Variants in SEMA6D observed in about 807,000 individuals in gnomAD.
The protein encoded by SEMA6D is semaphorin-6D.
SEMA6D carries 35 observed loss-of-function variants against 106.6 expected under a neutral mutation model. That is an observed-to-expected ratio of 0.33 (90% CI 0.25 to 0.44). The LOEUF is 0.44. Among genes scored for constraint, SEMA6D ranks in the 20% least tolerant of loss-of-function variants. The probability of loss-of-function intolerance (pLI) is 1.00; values close to 1 mark genes in which losing one functional copy is unlikely to be tolerated. For missense variants in SEMA6D, 1,185 were observed against 1,345.9 expected, an observed-to-expected ratio of 0.88 and a Z score of 1.87; for synonymous variants, 499 against 487.7, an observed-to-expected ratio of 1.02 and a Z score of -0.31.
At chr15:47,686,270 T>G (rs974891129) in intron 4 of SEMA6D, among the ~76,000 whole-genome samples, 1 of 152,054 alleles carries the variant, frequency 6.6e-6, no homozygotes, top group East Asian at 1.9e-4. Flanking sequence ...AAAAAAAAAC[T>G]TTAAATATTT....
intron 1 of SEMA6D, among the ~76,000 whole-genome samples, chr15:47,725,579 A>G (rs889335852): frequency 1.6e-4 from 24 of 149,498 alleles, no homozygotes; most frequent in Admixed American, 1.4e-3. Context: ...GTCCTGCCAT[A>G]CTCAACCCCC....
intron 1 of SEMA6D, among the ~76,000 whole-genome samples, chr15:47,748,810 A>T (rs925243744): frequency 6.6e-6 from 1 of 152,216 alleles, no homozygotes; most frequent in Admixed American, 6.5e-5. Context: ...TTGGACAGGG[A>T]TGTAACATGA....
intron 1 of SEMA6D, among the ~76,000 whole-genome samples, chr15:47,750,174 A>G (rs532128390): frequency 6.6e-6 from 1 of 152,228 alleles, no homozygotes; most frequent in Admixed American, 6.5e-5. Context: ...GGCAGCCTCA[A>G]GGTCAGGGGA....
chr15:47,314,914 A>G (rs1314154688), intron 1 of SEMA6D, among the ~76,000 whole-genome samples: 3 of 121,422 alleles, frequency 2.5e-5, no homozygotes, highest in South Asian at 2.9e-4. Context: ...GGCCCAGGCG[A>G]GAGTGCAGTG....
At position 47,591,928 on chromosome 15, in the gene SEMA6D, G is replaced by A. The variant is rs2076447188; in HGVS notation, c.-86-8937G>A. ...TTTGGAAAGAGCCACAGTGAAGAAT[G>A]GGAAAGTGAGCTAACTACGGTCACA... is the stretch of plus-strand genomic sequence containing the variant. On this transcript the variant is annotated intron_variant, in intron 3 of 19. Coordinates refer to the SEMA6D transcript ENST00000558014. Among the ~76,000 whole-genome samples, 5 of 152,242 alleles carry A rather than the reference G, an allele frequency of 3.3e-5. No individual in the cohort carries two copies. The South Asian group carries it at 1.0e-3, about 32-fold the overall frequency.
chr15:47,422,415 C>T (rs1368134010), intron 2 of SEMA6D, among the ~76,000 whole-genome samples: 1 of 151,956 alleles, frequency 6.6e-6, no homozygotes, highest in African/African-American at 2.4e-5. Flanking sequence ...CTTTTCAAAA[C>T]AGTTGGGTAT....
chr15:47,704,138 G>A (rs1418300822), intron 4 of SEMA6D, among the ~76,000 whole-genome samples: 4 of 151,936 alleles, frequency 2.6e-5, no homozygotes, highest in African/African-American at 9.7e-5. Context: ...GTATATAGTG[G>A]ATATCTTTCT....
intron 4 of SEMA6D, among the ~76,000 whole-genome samples, chr15:47,619,129 G>C (rs1250909619): frequency 1.3e-5 from 2 of 152,156 alleles, no homozygotes; most frequent in Non-Finnish European, 2.9e-5. Flanking sequence ...GTAGCACCCT[G>C]GCAGAAAGAG....
intron 1 of SEMA6D, among the ~76,000 whole-genome samples, chr15:47,747,085 T>C (rs1258012650): frequency 6.6e-6 from 1 of 151,856 alleles, no homozygotes; most frequent in Admixed American, 6.6e-5. Flanking sequence ...TGATATATTT[T>C]GTCATCTTCC....
At chr15:47,509,576 T>C (rs913835064) in intron 3 of SEMA6D, among the ~76,000 whole-genome samples, 1 of 152,216 alleles carries the variant, frequency 6.6e-6, no homozygotes, top group Non-Finnish European at 1.5e-5. Flanking sequence ...GGTATCCTTG[T>C]ATCTCCATAC....
intron 4 of SEMA6D, among the ~76,000 whole-genome samples, chr15:47,664,863 A>G (rs913517180): frequency 6.6e-6 from 1 of 152,222 alleles, no homozygotes; most frequent in African/African-American, 2.4e-5. Flanking sequence ...TAGTCTCTGC[A>G]TTAATGAGGC....
chr15:47,384,220 A>G (rs1270329017), intron 1 of SEMA6D, among the ~76,000 whole-genome samples: 1 of 152,228 alleles, frequency 6.6e-6, no homozygotes, highest in Non-Finnish European at 1.5e-5. Flanking sequence ...CATTGTATGC[A>G]TGTTTAGTAG....
At chr15:47,705,044 A>G (rs913401820) in intron 4 of SEMA6D, among the ~76,000 whole-genome samples, 9 of 152,202 alleles carry the variant, frequency 5.9e-5, no homozygotes, top group South Asian at 2.1e-4. Flanking sequence ...TTCAATAAAT[A>G]TATATTTAGC....
intron 1 of SEMA6D, among the ~76,000 whole-genome samples, chr15:47,217,122 T>G (rs889380800): frequency 6.6e-5 from 10 of 152,208 alleles, no homozygotes; most frequent in Non-Finnish European, 2.9e-5. Flanking sequence ...TCTCAGCCTC[T>G]GAAGATGTGA....
chr15:47,683,175 T>C (rs150999361), intron 4 of SEMA6D, among the ~76,000 whole-genome samples: 10 of 152,232 alleles, frequency 6.6e-5, no homozygotes, highest in Non-Finnish European at 1.3e-4. Flanking sequence ...GCGAACATTA[T>C]ACCCAAATGG....
At chr15:47,199,555 A>G (rs1894580632) in intron 1 of SEMA6D, among the ~76,000 whole-genome samples, 1 of 152,182 alleles carries the variant, frequency 6.6e-6, no homozygotes, top group Non-Finnish European at 1.5e-5. Flanking sequence ...GTCCTTGTGT[A>G]TGTGTGTGAT....
intron 1 of SEMA6D, among the ~76,000 whole-genome samples, chr15:47,387,032 C>CTG (rs1753982447): frequency 1.9e-5 from 2 of 104,420 alleles, no homozygotes; most frequent in South Asian, 4.9e-4. Flanking sequence ...ACGGGCCCTG[C>CTG]TGCGTGTGGC....
At chr15:47,314,142 G>T (rs1034879655) in intron 1 of SEMA6D, among the ~76,000 whole-genome samples, 1 of 152,138 alleles carries the variant, frequency 6.6e-6, no homozygotes, top group Non-Finnish European at 1.5e-5. Context: ...TCTAATAGGT[G>T]TGTAGTGTTA....
chr15:47,643,721 A>G (rs1366650764), intron 4 of SEMA6D, among the ~76,000 whole-genome samples: 1 of 152,224 alleles, frequency 6.6e-6, no homozygotes, highest in Admixed American at 6.5e-5. Context: ...CATAATTAGT[A>G]TATCTGTCAC....
Sources: gnomAD v4.1 joint callset for allele counts (sites outside exome capture counted in the v4.1 genomes callset) on GRCh38, gnomAD v4.1.1 for gene constraint, MANE v1.5 for transcripts, NCBI Gene and HGNC (gene_info 2026-07-23, HGNC 2026-07-21) for gene names.